Variants in CTNNA2 observed in about 807,000 individuals in gnomAD.
The protein encoded by CTNNA2 is catenin alpha 2.
Under a neutral mutation model 101.0 loss-of-function variants are expected in CTNNA2, and 42 were observed. The ratio of observed to expected loss-of-function variants is 0.42; its 90% CI spans 0.32 to 0.54. CTNNA2 has a LOEUF of 0.54. CTNNA2 is among the 20% of genes least tolerant of loss of function. The pLI is 0.14. For synonymous variants in CTNNA2, 450 were observed against 456.4 expected (o/e 0.99, Z 0.18); for missense variants, 871 against 1,223.1 (o/e 0.71, Z 4.29).
At chr2:80,103,283 C>G (rs1558811511) in intron 7 of CTNNA2, among the ~76,000 whole-genome samples, 1 of 152,122 alleles carries the variant, frequency 6.6e-6, no homozygotes, top group Non-Finnish European at 1.5e-5. Flanking sequence ...GCCTTTCAAA[C>G]AGCCATTTTC....
intron 2 of CTNNA2, among the ~76,000 whole-genome samples, chr2:79,736,664 C>T (rs1015129125): frequency 4.6e-5 from 7 of 152,084 alleles, no homozygotes; most frequent in Non-Finnish European, 8.8e-5. Context: ...TTAATTTTTA[C>T]TTGTTTTAAA....
chr2:80,049,180 A>G (rs948932114), intron 7 of CTNNA2, among the ~76,000 whole-genome samples: 2 of 152,150 alleles, frequency 1.3e-5, no homozygotes, highest in Non-Finnish European at 2.9e-5. Flanking sequence ...CTTTAAAATC[A>G]TTTCATTTTT....
chr2:80,619,670 T>C (rs1247975836), intron 18 of CTNNA2, among the ~76,000 whole-genome samples: 2 of 151,906 alleles, frequency 1.3e-5, no homozygotes, highest in African/African-American at 4.8e-5. Flanking sequence ...GAGGTTAAAA[T>C]GTGCATGAGG....
In CTNNA2 at chr2:79,698,109, T is replaced by C. The variant is rs1460266735; in HGVS notation, c.103-46278T>C. Among the ~76,000 whole-genome samples the C allele has an allele frequency of 2.6e-5, 4 of 152,232 alleles. No homozygotes were observed. In the East Asian group the frequency reaches 5.8e-4, roughly 22 times the overall value. On this transcript the variant is annotated intron_variant, in intron 2 of 18. Coordinates refer to ENST00000402739, the MANE Select transcript of CTNNA2 (RefSeq NM_001282597.3). ...CGCTTGCTGTTGTGCTGTGATAACA[T>C]ATATGTAAGCTTCGGATGAGTATAT...
intron 7 of CTNNA2, among the ~76,000 whole-genome samples, chr2:80,354,426 G>T (rs925739024): frequency 1.2e-4 from 19 of 152,226 alleles, no homozygotes; most frequent in African/African-American, 3.6e-4. Flanking sequence ...CTAGAAAAGA[G>T]CATGAGTCAT....
intron 1 of CTNNA2, among the ~76,000 whole-genome samples, chr2:79,633,366 C>T (rs972067445): frequency 1.3e-5 from 2 of 152,106 alleles, no homozygotes; most frequent in Non-Finnish European, 2.9e-5. Context: ...CCCAGAAGTC[C>T]CCAGCTGAGT....
chr2:80,352,968 G>A (rs562026481), intron 7 of CTNNA2, among the ~76,000 whole-genome samples: 2 of 152,022 alleles, frequency 1.3e-5, no homozygotes, highest in South Asian at 2.1e-4. Flanking sequence ...GGGGAAGTAG[G>A]TTCATTACAT....
In CTNNA2 at chr2:79,218,516, ATGTT is replaced by A. The variant is rs1326104071; in HGVS notation, c.-406+20444_-406+20447del. On this transcript the variant is annotated intron_variant, in intron 2 of 21. Transcript: ENST00000466387. ...TTCTGTAAGTGTCAGTGAAAAAAGA[ATGTT>A]TGTGAGTTAAGGAGTAGCAGTAGGG... 2.6e-5 allele frequency among the ~76,000 whole-genome samples: 4 copies of A among 152,204 alleles called. No individual in the cohort carries two copies. In the East Asian group the frequency reaches 7.7e-4, roughly 29 times the overall value.
At chr2:79,658,819 T>C (rs1346966636) in intron 2 of CTNNA2, among the ~76,000 whole-genome samples, 1 of 152,096 alleles carries the variant, frequency 6.6e-6, no homozygotes, top group Non-Finnish European at 1.5e-5. Context: ...GAGCTCTCTT[T>C]AATCATTTCC....
At chr2:79,659,183 C>A (rs1573596579) in intron 2 of CTNNA2, among the ~76,000 whole-genome samples, 1 of 146,852 alleles carries the variant, frequency 6.8e-6, no homozygotes. Context: ...CACTTAGAAG[C>A]AAAGTAACTT....
At chr2:80,391,124 T>A (rs1240319419) in intron 7 of CTNNA2, among the ~76,000 whole-genome samples, 4 of 146,892 alleles carry the variant, frequency 2.7e-5, no homozygotes, top group Admixed American at 6.8e-5. Flanking sequence ...AGAGCACGAC[T>A]GTCTCAGAAA....
At chr2:79,862,591 A>C (rs2043453) in intron 4 of CTNNA2, among the ~76,000 whole-genome samples, 126,625 of 152,136 alleles carry the variant, frequency 0.83, 53,614 homozygotes, top group Non-Finnish European at 0.91. Context: ...TATTACCTTC[A>C]TGCAGCTGCA....
intron 6 of CTNNA2, 139 bp downstream of exon 6, chr2:79,874,481 A>T: frequency 9.6e-7 from 1 of 1,040,870 alleles, no homozygotes; most frequent in Non-Finnish European, 1.4e-6. Context: ...GATAAACTAC[A>T]TAATGCATTT....
At chr2:80,071,745 A>G (rs1215942502) in intron 7 of CTNNA2, among the ~76,000 whole-genome samples, 2 of 152,208 alleles carry the variant, frequency 1.3e-5, no homozygotes, top group African/African-American at 2.4e-5. Flanking sequence ...AACGTTGTAC[A>G]GAGTACTTGG....
At chr2:80,349,115 A>G (rs754392459) in intron 7 of CTNNA2, among the ~76,000 whole-genome samples, 1 of 152,190 alleles carries the variant, frequency 6.6e-6, no homozygotes, top group Non-Finnish European at 1.5e-5. Flanking sequence ...GTTAAATGAT[A>G]GCTTCCAGAA....
intron 1 of CTNNA2, among the ~76,000 whole-genome samples, chr2:79,583,101 T>G (rs1395483397): frequency 6.6e-6 from 1 of 152,122 alleles, no homozygotes; most frequent in Non-Finnish European, 1.5e-5. Context: ...TTCTACCACA[T>G]GGTTGTTGCC....
At chr2:79,598,322 C>T (rs1232524090) in intron 1 of CTNNA2, among the ~76,000 whole-genome samples, 2 of 152,204 alleles carry the variant, frequency 1.3e-5, no homozygotes, top group African/African-American at 4.8e-5. Context: ...TTTGAGTAAA[C>T]ACCACAGAGC....
At chr2:79,401,588 T>G in intron 4 of CTNNA2, among the ~76,000 whole-genome samples, 1 of 151,364 alleles carries the variant, frequency 6.6e-6, no homozygotes, top group East Asian at 1.9e-4. Context: ...GGGAAATCAC[T>G]AAGAAACAGT....
intron 4 of CTNNA2, among the ~76,000 whole-genome samples, chr2:79,436,085 T>C (rs1229008304): frequency 6.6e-6 from 1 of 152,150 alleles, no homozygotes; most frequent in African/African-American, 2.4e-5. Flanking sequence ...GGAATCTACA[T>C]TTTTAACAAG....
Sources: allele counts gnomAD v4.1 joint callset (sites outside exome capture counted in the v4.1 genomes callset), GRCh38; gene constraint gnomAD v4.1.1; transcripts MANE v1.5; gene names NCBI Gene and HGNC (gene_info 2026-07-23, HGNC 2026-07-21).